SGCZ: variants seen among roughly 807,000 people sequenced by gnomAD.
The protein encoded by SGCZ is sarcoglycan zeta, also known as zeta-sarcoglycan.
A neutral mutation model predicts 41.3 loss-of-function variants in SGCZ; 40 were observed. That is an observed-to-expected ratio of 0.97 (90% CI 0.75 to 1.26). The LOEUF is 1.26. Ranked by LOEUF, SGCZ falls within the 50% of genes most tolerant of loss-of-function variation. The pLI is 0.00. For synonymous variants in SGCZ, 206 were observed against 137.5 expected, an observed-to-expected ratio of 1.50 and a Z score of -3.49; for missense variants, 552 against 369.8, an observed-to-expected ratio of 1.49 and a Z score of -4.04.
chr8:14,773,479 G>C (rs1482235720), intron 1 of SGCZ, among the ~76,000 whole-genome samples: 1 of 152,192 alleles, frequency 6.6e-6, no homozygotes, highest in African/African-American at 2.4e-5. Context: ...GATGGGGAAA[G>C]CTGAGCCATA....
At chr8:14,310,348 G>T (rs1000261621) in intron 3 of SGCZ, among the ~76,000 whole-genome samples, 2 of 151,878 alleles carry the variant, frequency 1.3e-5, no homozygotes, top group Non-Finnish European at 2.9e-5. Context: ...TAATTTTTTT[G>T]TTTCTTATAA....
intron 3 of SGCZ, among the ~76,000 whole-genome samples, chr8:14,301,193 C>G (rs1801174153): frequency 6.6e-6 from 1 of 151,934 alleles, no homozygotes; most frequent in African/African-American, 2.4e-5. Flanking sequence ...GTACAACCTT[C>G]CTTGTTGAGA....
intron 2 of SGCZ, among the ~76,000 whole-genome samples, chr8:14,393,413 A>G (rs868743320): frequency 7.4e-4 from 113 of 152,268 alleles, no homozygotes; most frequent in African/African-American, 2.6e-3. Flanking sequence ...CACATGTACT[A>G]TAAAGAGCAG....
At chr8:14,405,630 T>C (rs1799192021) in intron 2 of SGCZ, among the ~76,000 whole-genome samples, 1 of 152,224 alleles carries the variant, frequency 6.6e-6, no homozygotes. Flanking sequence ...TTAAATGTGA[T>C]GGAAATGTTG....
chr8:14,542,404 C>A (rs559953130), intron 2 of SGCZ, among the ~76,000 whole-genome samples: 23 of 151,960 alleles, frequency 1.5e-4, no homozygotes, highest in Admixed American at 1.4e-3. Flanking sequence ...GATGAAAATT[C>A]TTTTATTCAC....
At chr8:14,419,675 A>T (rs1429315116) in intron 2 of SGCZ, among the ~76,000 whole-genome samples, 5 of 151,992 alleles carry the variant, frequency 3.3e-5, no homozygotes, top group Non-Finnish European at 7.4e-5. Context: ...CCAATCATTC[A>T]TTTCTATATT....
intron 3 of SGCZ, among the ~76,000 whole-genome samples, chr8:14,259,803 T>C (rs1424600651): frequency 2.0e-5 from 3 of 150,686 alleles, no homozygotes; most frequent in Non-Finnish European, 3.0e-5. Flanking sequence ...GGCTCTTTTT[T>C]GGTTCCATAT....
At position 14,554,878 on chromosome 8, in the gene SGCZ, T is replaced by C; in HGVS notation, c.88A>G (p.Arg30Gly). 6.2e-7 allele frequency: 1 copy of C among 1,613,124 alleles called. No homozygotes were observed. Among genetic ancestry groups the C allele is most frequent in the Non-Finnish European group, 8.5e-7 (1 of 1,179,482 alleles). ...ILATQQNNLP[R>G]TENAQLYPVG... ...GGGTAAAGTTGTGCATTCTCAGTCC[T>C]TGGCAGGTTATTCTGTTGGGTTGCT... Residue 30 changes from arginine to glycine, a missense_variant, in exon 2 of 8, where the codon AGG becomes GGG. By Grantham distance (125) the Arg-to-Gly change is moderately radical (BLOSUM62 -2). Transcript: ENST00000382080.
intron 1 of SGCZ, among the ~76,000 whole-genome samples, chr8:15,197,531 CT>C (rs1253777527): frequency 2.6e-5 from 4 of 152,184 alleles, no homozygotes; most frequent in African/African-American, 7.2e-5. Flanking sequence ...ATAATAGAAA[CT>C]GAAGCAGAAA....
intron 1 of SGCZ, among the ~76,000 whole-genome samples, chr8:14,655,513 T>G (rs1018986021): frequency 2.0e-5 from 3 of 152,130 alleles, no homozygotes; most frequent in African/African-American, 7.2e-5. Context: ...TCAACTTTGG[T>G]TAGAAAGTTA....
chr8:14,387,420 T>C (rs1384134533), intron 2 of SGCZ, among the ~76,000 whole-genome samples: 2 of 152,210 alleles, frequency 1.3e-5, no homozygotes, highest in African/African-American at 4.8e-5. Context: ...TAAATTTACC[T>C]CTTGTCAAAA....
At chr8:14,118,816 G>A (rs763478001) in intron 5 of SGCZ, among the ~76,000 whole-genome samples, 5 of 152,106 alleles carry the variant, frequency 3.3e-5, no homozygotes, top group Non-Finnish European at 5.9e-5. Flanking sequence ...TATTAAATAG[G>A]GAATCCTTTT....
intron 7 of SGCZ, among the ~76,000 whole-genome samples, chr8:14,102,098 AT>A (rs1563127119): frequency 6.6e-4 from 79 of 118,964 alleles, no homozygotes; most frequent in African/African-American, 2.2e-3. Flanking sequence ...ATATATATAT[AT>A]ATATAATTTT....
At chr8:14,948,997 C>T (rs1327354650) in intron 1 of SGCZ, among the ~76,000 whole-genome samples, 1 of 151,914 alleles carries the variant, frequency 6.6e-6, no homozygotes, top group Non-Finnish European at 1.5e-5. Flanking sequence ...ATGGTAAGTA[C>T]AGGCATATCC....
At chr8:14,608,582 G>C (rs1363139403) in intron 1 of SGCZ, among the ~76,000 whole-genome samples, 1 of 152,074 alleles carries the variant, frequency 6.6e-6, no homozygotes, top group Admixed American at 6.5e-5. Context: ...GGGAAGGCAA[G>C]AACTACTAAG....
At chr8:14,140,024 G>T (rs550920907) in intron 5 of SGCZ, among the ~76,000 whole-genome samples, 1 of 151,960 alleles carries the variant, frequency 6.6e-6, no homozygotes, top group Non-Finnish European at 1.5e-5. Flanking sequence ...TGCAAGGCTG[G>T]TTCAACATAT....
intron 1 of SGCZ, among the ~76,000 whole-genome samples, chr8:14,912,422 G>T (rs1218952166): frequency 6.6e-6 from 1 of 151,932 alleles, no homozygotes; most frequent in Non-Finnish European, 1.5e-5. Context: ...GCATAGAAAT[G>T]ATTAAATATT....
chr8:14,765,210 C>G (rs1253563620), intron 1 of SGCZ, among the ~76,000 whole-genome samples: 1 of 152,100 alleles, frequency 6.6e-6, no homozygotes, highest in Non-Finnish European at 1.5e-5. Context: ...TAATCCCTCT[C>G]CAGTTATTTA....
At chr8:14,280,235 G>C (rs1371008727) in intron 3 of SGCZ, among the ~76,000 whole-genome samples, 3 of 151,832 alleles carry the variant, frequency 2.0e-5, no homozygotes, top group Non-Finnish European at 4.4e-5. Context: ...TATATAAATA[G>C]TCTGTGTATT....
Sources: gnomAD v4.1 joint callset for allele counts (sites outside exome capture counted in the v4.1 genomes callset) on GRCh38, gnomAD v4.1.1 for gene constraint, MANE v1.5 for transcripts, NCBI Gene and HGNC (gene_info 2026-07-23, HGNC 2026-07-21) for gene names.